Variants in GPR174 observed in about 807,000 individuals in gnomAD.
GPR174 encodes the protein G protein-coupled receptor 174.
In GPR174, 8 loss-of-function variants were observed where a neutral mutation model predicts 16.5. The observed-to-expected ratio is 0.48, with a 90% CI of 0.28 to 0.87. The LOEUF (loss-of-function observed/expected upper bound fraction) is 0.87. GPR174 is among the 40% of genes least tolerant of loss of function. The probability of loss-of-function intolerance (pLI) is 0.09; values close to 1 mark genes in which losing one functional copy is unlikely to be tolerated. For synonymous variants in GPR174, 111 were observed against 94.8 expected, an observed-to-expected ratio of 1.17 and a Z score of -0.99; for missense variants, 214 against 247.5, an observed-to-expected ratio of 0.86 and a Z score of 0.91.
intron 1 of GPR174, among the ~76,000 whole-genome samples, chrX:79,147,044 T>A (rs1926514736): frequency 8.9e-6 from 1 of 111,871 alleles, no homozygotes; most frequent in African/African-American, 3.3e-5. Flanking sequence ...AGTCTCTAGA[T>A]CCCTAGTCAG....
At chrX:79,164,809 T>G (rs1921317197) in intron 2 of GPR174, among the ~76,000 whole-genome samples, 1 of 111,392 alleles carries the variant, frequency 9.0e-6, no homozygotes. Context: ...AAGATAAAAC[T>G]GTGCCACTAG....
At chrX:79,158,898 ATTGT>A (rs1295525237) in intron 2 of GPR174, among the ~76,000 whole-genome samples, 1 of 108,859 alleles carries the variant, frequency 9.2e-6, no homozygotes, top group Non-Finnish European at 1.9e-5. Flanking sequence ...CTGCAACTAG[ATTGT>A]TTGTAACTTG....
At chrX:79,151,011 AT>A (rs962767977) in intron 1 of GPR174, among the ~76,000 whole-genome samples, 1 of 110,356 alleles carries the variant, frequency 9.1e-6, no homozygotes, top group East Asian at 2.8e-4. Context: ...CTTGATATGG[AT>A]TTTTTTTCCC....
chrX:79,166,025 CAT>C (rs1254640456), intron 2 of GPR174, among the ~76,000 whole-genome samples: 3 of 111,349 alleles, frequency 2.7e-5, no homozygotes, highest in African/African-American at 9.8e-5. Flanking sequence ...GAACAGGAAA[CAT>C]ACAGCTTTCC....
chrX:79,171,538 C>T lies in GPR174; in HGVS notation c.531C>T (p.Val177=). Residue 177 remains valine, a synonymous_variant, in exon 3 of 3, where the codon GTC becomes GTT. Coordinates refer to ENST00000645147, the MANE Select transcript of GPR174 (RefSeq NM_032553.3). ...KCFVDLPTRN[V]NLAQSVVMMT... is the part of the protein sequence containing the mutation. ...TTGTGGATCTTCCTACCAGGAATGT[C>T]AACCTGGCCCAGTCCGTTGTTATGA... 1 of 1,211,206 alleles carries T rather than the reference C, an allele frequency of 8.3e-7. No individual in the cohort carries two copies. Among genetic ancestry groups the T allele is most frequent in the Admixed American group, 2.2e-5 (1 of 45,946 alleles).
At chrX:79,146,267 T>C (rs751916341) in intron 1 of GPR174, among the ~76,000 whole-genome samples, 2 of 112,221 alleles carry the variant, frequency 1.8e-5, no homozygotes, top group South Asian at 3.7e-4. Flanking sequence ...TGCTCCTTTG[T>C]CTCCTGTCAA....
rs982736585 is a variant in GPR174, at chrX:79,173,671, AG to A, written c.*1663del. The A allele has an allele frequency of 5.3e-5, 6 of 112,238 alleles. No homozygotes were observed. Among genetic ancestry groups the A allele is most frequent in the Non-Finnish European group, 9.4e-5 (5 of 53,169 alleles). The allele number at this position is 112,238 out of a possible 1,213,427, so 9.2% of individuals were successfully genotyped here. ...AGTTTTCTAAAGTTTTCTTTGGACA[AG>A]TGTTGATTTTACACATATGTTGTTA... On this transcript the variant is annotated 3_prime_UTR_variant, in exon 3 of 3. Coordinates refer to ENST00000645147, the MANE Select transcript of GPR174 (RefSeq NM_032553.3).
intron 1 of GPR174, among the ~76,000 whole-genome samples, chrX:79,145,996 A>G (rs1926492877): frequency 8.9e-6 from 1 of 111,872 alleles, no homozygotes; most frequent in Non-Finnish European, 1.9e-5. Context: ...AGATACTCAA[A>G]ATTGACTTAT....
intron 2 of GPR174, among the ~76,000 whole-genome samples, chrX:79,164,899 T>C (rs1393627453): frequency 3.6e-5 from 4 of 111,214 alleles, no homozygotes; most frequent in African/African-American, 9.8e-5. Context: ...CAAAACTTAA[T>C]CTAAGGACAG....
At chrX:79,150,934 A>G (rs1192309330) in intron 1 of GPR174, among the ~76,000 whole-genome samples, 2 of 111,472 alleles carry the variant, frequency 1.8e-5, no homozygotes, top group African/African-American at 6.5e-5. Flanking sequence ...ACAGTTCTGT[A>G]CATGAGTTTC....
At position 79,172,240 on chromosome X, in the gene GPR174, T is replaced by G. The variant is rs1921536960; in HGVS notation, c.*231T>G. ...AATTTTTCTTCAAGTCTGTAAATCT[T>G]AAAATATCAAATTTCTGTGACATCC... On this transcript the variant is annotated 3_prime_UTR_variant, in exon 3 of 3. Transcript: ENST00000645147. 2 of 369,575 alleles carry G rather than the reference T, an allele frequency of 5.4e-6. No individual in the cohort carries two copies. The highest frequency in any genetic ancestry group is 9.5e-6 in the Non-Finnish European group (2 of 209,944). The allele number at this position is 369,575 out of a possible 1,213,427, so 30.5% of individuals were successfully genotyped here.
In GPR174 at chrX:79,172,816, A is replaced by G. The variant is rs1162481600; in HGVS notation, c.*807A>G. 9.0e-6 allele frequency: 1 copy of G among 111,657 alleles called. No individual in the cohort carries two copies. The highest frequency in any genetic ancestry group is 1.9e-5 in the Non-Finnish European group (1 of 53,055). 9.2% of individuals were successfully genotyped at this position (111,657 alleles called of 1,213,427 possible). A position where few individuals can be genotyped will look rare whatever the true frequency, so the allele number is the denominator to read the frequency against. ...AGAAAGCAGAAAGGTGACAATCACA[A>G]TTCTGCTCTCTTACACTTTTTCTAA... is the stretch of plus-strand genomic sequence containing the variant. On this transcript the variant is annotated 3_prime_UTR_variant, in exon 3 of 3. Transcript: ENST00000645147.
intron 2 of GPR174, among the ~76,000 whole-genome samples, chrX:79,158,283 C>T (rs754623324): frequency 9.3e-6 from 1 of 106,979 alleles, no homozygotes; most frequent in African/African-American, 3.4e-5. Flanking sequence ...GCCCTTTCCC[C>T]TGACGTAATC....
chrX:79,159,726 T>C (rs1921188981), intron 2 of GPR174, among the ~76,000 whole-genome samples: 1 of 111,908 alleles, frequency 8.9e-6, no homozygotes, highest in African/African-American at 3.2e-5. Flanking sequence ...AAAATTTGGA[T>C]ATTATCTAAT....
At chrX:79,165,368 T>C (rs979845613) in intron 2 of GPR174, among the ~76,000 whole-genome samples, 8 of 109,603 alleles carry the variant, frequency 7.3e-5, no homozygotes, top group South Asian at 3.9e-4. Context: ...GCAAAAGCTT[T>C]GGGATCTACT....
chrX:79,152,808 C>G (rs1018147461), intron 1 of GPR174, among the ~76,000 whole-genome samples: 1 of 111,893 alleles, frequency 8.9e-6, no homozygotes, highest in Non-Finnish European at 1.9e-5. Context: ...GGACACTTCT[C>G]TCTTAAGGGT....
chrX:79,170,347 T>C (rs1921478235), intron 2 of GPR174, 105 bp from the exon 3 acceptor site: 1 of 109,733 alleles, frequency 9.1e-6, no homozygotes, highest in African/African-American at 3.3e-5. Context: ...TTCCCTTACT[T>C]AAGAATTTTT....
chrX:79,158,483 C>T (rs1921154596), intron 2 of GPR174, among the ~76,000 whole-genome samples: 1 of 92,217 alleles, frequency 1.1e-5, no homozygotes, highest in African/African-American at 4.1e-5. Flanking sequence ...CTTGCTCTGT[C>T]GCCAGGCTGG....
chrX:79,171,671 C>A lies in GPR174; in HGVS notation c.664C>A (p.Leu222Ile), dbSNP rs767923400. 3 of 1,209,340 alleles carry A rather than the reference C, an allele frequency of 2.5e-6. No individual in the cohort carries two copies. In the African/African-American group the frequency reaches 5.3e-5, roughly 21 times the overall value. Reference protein sequence around the residue: ...LQDKYPMAQDLGEKQKALKMI... With the variant: ...LQDKYPMAQDIGEKQKALKMI... ...AGATAAATATCCCATGGCCCAAGATCTTGGAGAGAAACAGAAAGCCTTGAA... is the reference window on the plus strand; with the variant it reads ...AGATAAATATCCCATGGCCCAAGATATTGGAGAGAAACAGAAAGCCTTGAA... Residue 222 changes from leucine (L) to isoleucine (I), a missense_variant, in exon 3 of 3, where the codon CTT becomes ATT. By Grantham distance (5) the Leu-to-Ile change is conservative. Coordinates refer to ENST00000645147, the MANE Select transcript of GPR174 (RefSeq NM_032553.3).
Sources: allele counts gnomAD v4.1 joint callset (sites outside exome capture counted in the v4.1 genomes callset), GRCh38; gene constraint gnomAD v4.1.1; transcripts MANE v1.5; gene names NCBI Gene and HGNC (gene_info 2026-07-23, HGNC 2026-07-21).